The following PLCH1 variants were observed in gnomAD, a reference collection of about 807,000 sequenced individuals.
PLCH1 encodes the protein 1-phosphatidylinositol 4,5-bisphosphate phosphodiesterase eta-1.
Under a neutral mutation model 126.7 loss-of-function variants are expected in PLCH1, and 60 were observed. That is an observed-to-expected ratio of 0.47 (90% CI 0.38 to 0.59). The LOEUF (loss-of-function observed/expected upper bound fraction) is 0.59, where lower values mean the gene tolerates loss of function less well. Ranked by LOEUF, PLCH1 falls within the 20% of genes least tolerant of loss-of-function variation. The probability of loss-of-function intolerance (pLI) is 0.00; values close to 1 mark genes in which losing one functional copy is unlikely to be tolerated. For synonymous variants in PLCH1, 719 were observed against 734.9 expected, an observed-to-expected ratio of 0.98 and a Z score of 0.35; for missense variants, 1,723 against 2,040.0, an observed-to-expected ratio of 0.84 and a Z score of 2.99.
At chr3:155,494,270 G>A (rs1250872094) in intron 16 of PLCH1, 22 bp from the exon 17 acceptor site, 3 of 1,610,708 alleles carry the variant, frequency 1.9e-6, no homozygotes, top group African/African-American at 1.3e-5. Flanking sequence ...GAAAGTGGGA[G>A]AGAATTAGGC....
rs1724754347 is a variant in PLCH1, at chr3:155,543,712, GA to G, written c.1362+6074del. Among the ~76,000 whole-genome samples the G allele has an allele frequency of 3.9e-5, 6 of 151,912 alleles. No homozygotes were observed. The South Asian group carries it at 1.3e-3, about 32-fold the overall frequency. On this transcript the variant is annotated intron_variant, in intron 10 of 22. Transcript: ENST00000460012. ...CTCTCGGCAGAAACTCTACAAGCCA[GA>G]AGAGAGTGGGGGCCAATATTCAACA...
At chr3:155,610,930 T>C (rs754856574) in intron 2 of PLCH1, among the ~76,000 whole-genome samples, 1 of 152,110 alleles carries the variant, frequency 6.6e-6, no homozygotes, top group South Asian at 2.1e-4. Context: ...GCAGAATGAA[T>C]AAAAATCCAC....
At chr3:155,543,434 G>T (rs930950326) in intron 10 of PLCH1, among the ~76,000 whole-genome samples, 1 of 151,324 alleles carries the variant, frequency 6.6e-6, no homozygotes, top group African/African-American at 2.4e-5. Flanking sequence ...AAAGTGACGG[G>T]GAGAATGGAA....
intron 2 of PLCH1, among the ~76,000 whole-genome samples, chr3:155,626,036 AC>A (rs1437009418): frequency 7.2e-5 from 11 of 152,236 alleles, no homozygotes; most frequent in African/African-American, 2.7e-4. Context: ...AGCATGGAAT[AC>A]TATGCAGCCA....
At chr3:155,539,715 A>T (rs1576950513) in intron 10 of PLCH1, among the ~76,000 whole-genome samples, 1 of 152,304 alleles carries the variant, frequency 6.6e-6, no homozygotes, top group East Asian at 1.9e-4. Flanking sequence ...GAAAACTACA[A>T]AACACTGCTG....
chr3:155,736,565 C>G (rs1245058964), intron 1 of PLCH1, among the ~76,000 whole-genome samples: 1 of 152,208 alleles, frequency 6.6e-6, no homozygotes, highest in Non-Finnish European at 1.5e-5. Context: ...AGTAGTCAGA[C>G]GAGTCTGATT....
At chr3:155,533,384 T>C (rs1722947608) in intron 10 of PLCH1, among the ~76,000 whole-genome samples, 1 of 151,944 alleles carries the variant, frequency 6.6e-6, no homozygotes, top group Non-Finnish European at 1.5e-5. Context: ...CCGTTTCTAC[T>C]AAAAGTACAA....
chr3:155,482,048 G>C lies in PLCH1; in HGVS notation c.3978C>G (p.Ala1326=), dbSNP rs1320797991. ...CCTCCAGGGTCAAATCAGGGGAAGA[G>C]GCAGGGCTGCAGCTCTTCAGTGTTT... ...DWETLKSCSP[A]SSPDLTLEDV... Residue 1326 remains alanine, a synonymous_variant, in exon 23 of 23, where the codon GCC becomes GCG. Transcript: ENST00000460012. 6.2e-7 allele frequency: 1 copy of C among 1,614,166 alleles called. No homozygotes were observed. The highest frequency in any genetic ancestry group is 8.5e-7 in the Non-Finnish European group (1 of 1,180,020).
chr3:155,610,664 C>T (rs142976484), intron 2 of PLCH1, among the ~76,000 whole-genome samples: 1 of 152,112 alleles, frequency 6.6e-6, no homozygotes, highest in African/African-American at 2.4e-5. Context: ...CAAATGCTGA[C>T]AGAATTCACC....
At chr3:155,648,511 C>T (rs1172999895) in intron 2 of PLCH1, among the ~76,000 whole-genome samples, 1 of 152,104 alleles carries the variant, frequency 6.6e-6, no homozygotes, top group Non-Finnish European at 1.5e-5. Context: ...GGAGAAAGGC[C>T]GGGTCACATT....
At chr3:155,529,169 C>T (rs548403116) in intron 10 of PLCH1, among the ~76,000 whole-genome samples, 17 of 152,210 alleles carry the variant, frequency 1.1e-4, no homozygotes, top group Non-Finnish European at 1.3e-4. Context: ...ACATATATTT[C>T]ATGCAGAAGT....
intron 21 of PLCH1, among the ~76,000 whole-genome samples, chr3:155,456,286 G>C (rs992034454): frequency 6.7e-6 from 1 of 149,992 alleles, no homozygotes; most frequent in Non-Finnish European, 1.5e-5. Context: ...AAAGGTAACT[G>C]TCTTGGGCCA....
intron 2 of PLCH1, among the ~76,000 whole-genome samples, chr3:155,612,906 AT>A (rs1274336906): frequency 2.1e-5 from 3 of 141,050 alleles, no homozygotes; most frequent in Non-Finnish European, 4.6e-5. Flanking sequence ...GAAACTGTGT[AT>A]TAAAAAAAAA....
At chr3:155,637,686 A>G (rs1281449385) in intron 2 of PLCH1, among the ~76,000 whole-genome samples, 1 of 152,212 alleles carries the variant, frequency 6.6e-6, no homozygotes, top group Non-Finnish European at 1.5e-5. Context: ...ACTTGTAGTT[A>G]ATATTGAAGA....
At chr3:155,512,372 C>G (rs1047977049) in intron 12 of PLCH1, among the ~76,000 whole-genome samples, 2 of 152,304 alleles carry the variant, frequency 1.3e-5, no homozygotes, top group South Asian at 2.1e-4. Context: ...TGCAGACTCT[C>G]TCCCTACTGG....
chr3:155,728,041 A>G (rs1249986381), intron 1 of PLCH1, among the ~76,000 whole-genome samples: 1 of 152,142 alleles, frequency 6.6e-6, no homozygotes, highest in Non-Finnish European at 1.5e-5. Flanking sequence ...AAGTTAACCC[A>G]GTTTGGCAAA....
At chr3:155,559,114 C>A (rs1727226217) in intron 8 of PLCH1, among the ~76,000 whole-genome samples, 1 of 152,182 alleles carries the variant, frequency 6.6e-6, no homozygotes, top group Admixed American at 6.5e-5. Context: ...TCATTCAATG[C>A]TTGCTCCTCC....
chr3:155,706,786 A>G (rs358726), intron 1 of PLCH1, among the ~76,000 whole-genome samples: 61,726 of 151,780 alleles, frequency 0.41, 13,096 homozygotes, highest in East Asian at 0.67. Context: ...GAAGGATACC[A>G]CTTCTGCCTG....
intron 2 of PLCH1, among the ~76,000 whole-genome samples, chr3:155,666,479 T>G (rs1040992421): frequency 3.3e-5 from 5 of 152,228 alleles, no homozygotes; most frequent in African/African-American, 1.2e-4. Flanking sequence ...AAAGTTACAG[T>G]GTGTTTAATT....
Sources: gnomAD v4.1 joint callset for allele counts (sites outside exome capture counted in the v4.1 genomes callset) on GRCh38, gnomAD v4.1.1 for gene constraint, MANE v1.5 for transcripts, NCBI Gene and HGNC (gene_info 2026-07-23, HGNC 2026-07-21) for gene names.